Variants in ALKBH1 observed in about 807,000 individuals in gnomAD.
ALKBH1 encodes alkB homolog 1, histone H2A dioxygenase.
ALKBH1 carries 31 observed loss-of-function variants against 36.6 expected under a neutral mutation model. That is an observed-to-expected ratio of 0.85 (90% CI 0.64 to 1.14). ALKBH1 has a LOEUF of 1.14. Among genes scored for constraint, ALKBH1 ranks in the 50% most tolerant of loss-of-function variants. The probability of loss-of-function intolerance (pLI) is 0.00; values close to 1 mark genes in which losing one functional copy is unlikely to be tolerated. For missense variants in ALKBH1, 490 were observed against 497.3 expected, an observed-to-expected ratio of 0.99 and a Z score of 0.14; for synonymous variants, 183 against 186.6, an observed-to-expected ratio of 0.98 and a Z score of 0.16.
intron 2 of ALKBH1, among the ~76,000 whole-genome samples, chr14:77,699,927 C>T (rs1463335045): frequency 2.6e-5 from 4 of 151,866 alleles, no homozygotes; most frequent in South Asian, 2.1e-4. Context: ...TGGTGGCGGG[C>T]GCCTGTAGTC....
At chr14:77,686,626 T>C (rs1189707872) in intron 3 of ALKBH1, among the ~76,000 whole-genome samples, 1 of 152,160 alleles carries the variant, frequency 6.6e-6, no homozygotes, top group Admixed American at 6.6e-5. Flanking sequence ...CTCTTAGCAA[T>C]TGTTTTTTTC....
intron 3 of ALKBH1, 68 bp downstream of exon 3, chr14:77,694,670 A>T: frequency 7.7e-7 from 1 of 1,304,630 alleles, no homozygotes. Context: ...GTTATAGAAC[A>T]GTTCCTTCAA....
At chr14:77,678,087 CAAAAAAAAA>C (rs11440428) in intron 4 of ALKBH1, among the ~76,000 whole-genome samples, 1 of 55,082 alleles carries the variant, frequency 1.8e-5, no homozygotes, top group African/African-American at 7.5e-5. Context: ...ATATTATCAC[CAAAAAAAAA>C]AAAAAAAAAA....
At chr14:77,695,292 T>C (rs1286154615) in intron 2 of ALKBH1, among the ~76,000 whole-genome samples, 4 of 152,208 alleles carry the variant, frequency 2.6e-5, no homozygotes, top group East Asian at 1.9e-4. Flanking sequence ...AGCTAAAACA[T>C]AGATTTGAAA....
chr14:77,682,296 ACTC>A (rs1158395010), intron 3 of ALKBH1, among the ~76,000 whole-genome samples: 2 of 152,086 alleles, frequency 1.3e-5, no homozygotes, highest in Non-Finnish European at 2.9e-5. Context: ...AAATAAAAGA[ACTC>A]CTTGATGTTC....
At chr14:77,698,040 T>A (rs2139861983) in intron 2 of ALKBH1, among the ~76,000 whole-genome samples, 1 of 151,884 alleles carries the variant, frequency 6.6e-6, no homozygotes, top group South Asian at 2.1e-4. Flanking sequence ...AGAGATAAAG[T>A]GATAAAAAAC....
intron 3 of ALKBH1, chr14:77,691,995 G>A (rs1188020515): frequency 6.6e-6 from 1 of 151,862 alleles, no homozygotes; most frequent in Non-Finnish European, 1.5e-5. Context: ...ATAGACCAAG[G>A]TTTAAAAAAA....
intron 2 of ALKBH1, among the ~76,000 whole-genome samples, chr14:77,701,694 G>C (rs2080360256): frequency 6.6e-6 from 1 of 152,118 alleles, no homozygotes; most frequent in East Asian, 1.9e-4. Flanking sequence ...AGAGTAAGAA[G>C]AGACTGTTCT....
At chr14:77,684,676 T>A (rs72685260) in intron 3 of ALKBH1, among the ~76,000 whole-genome samples, 25,393 of 152,164 alleles carry the variant, frequency 0.17, 2,443 homozygotes, top group Non-Finnish European at 0.22. Flanking sequence ...GCCTCTTGAG[T>A]AGCTAGAACT....
At chr14:77,688,737 A>AT (rs1190864630) in intron 3 of ALKBH1, among the ~76,000 whole-genome samples, 1 of 151,152 alleles carries the variant, frequency 6.6e-6, no homozygotes, top group Non-Finnish European at 1.5e-5. Flanking sequence ...ATGCCCAGCT[A>AT]TTTTTTGTAT....
intron 2 of ALKBH1, among the ~76,000 whole-genome samples, chr14:77,699,163 A>G (rs2080345112): frequency 6.6e-6 from 1 of 152,240 alleles, no homozygotes. Flanking sequence ...CTGTATTCCA[A>G]TAAAATGTAT....
At chr14:77,678,132 C>T (rs1282875854) in intron 4 of ALKBH1, among the ~76,000 whole-genome samples, 2 of 133,052 alleles carry the variant, frequency 1.5e-5, no homozygotes, top group East Asian at 4.8e-4. Flanking sequence ...TGTGATAATG[C>T]ATTTAACTGC....
intron 2 of ALKBH1, among the ~76,000 whole-genome samples, chr14:77,701,572 T>C (rs746630947): frequency 3.3e-5 from 5 of 152,120 alleles, no homozygotes; most frequent in Non-Finnish European, 7.4e-5. Flanking sequence ...CCTATTATCC[T>C]CTTGTTCAAG....
At chr14:77,682,756 G>T (rs998768343) in intron 3 of ALKBH1, among the ~76,000 whole-genome samples, 1 of 152,124 alleles carries the variant, frequency 6.6e-6, no homozygotes, top group Non-Finnish European at 1.5e-5. Flanking sequence ...GGAGGGCAAT[G>T]GCACGATCTT....
At chr14:77,698,325 G>T (rs1051066886) in intron 2 of ALKBH1, among the ~76,000 whole-genome samples, 4 of 152,182 alleles carry the variant, frequency 2.6e-5, no homozygotes, top group African/African-American at 9.7e-5. Flanking sequence ...AGAGGGTAGA[G>T]AGACTGGCTT....
At chr14:77,684,748 A>C (rs938760573) in intron 3 of ALKBH1, among the ~76,000 whole-genome samples, 1 of 152,072 alleles carries the variant, frequency 6.6e-6, no homozygotes. Flanking sequence ...GGGTCTCTCT[A>C]TGTTGCCCAG....
intron 3 of ALKBH1, among the ~76,000 whole-genome samples, chr14:77,684,643 C>T (rs1028044072): frequency 6.6e-6 from 1 of 152,150 alleles, no homozygotes; most frequent in Non-Finnish European, 1.5e-5. Flanking sequence ...TTGCTGCAGG[C>T]TCAAGTAATC....
At chr14:77,675,539 T>G in intron 5 of ALKBH1, 117 bp downstream of exon 5, 1 of 815,570 alleles carries the variant, frequency 1.2e-6, no homozygotes, top group Non-Finnish European at 1.8e-6. Flanking sequence ...AAGTGGAAGA[T>G]TATAGAGTCC....
chr14:77,683,243 G>A, intron 3 of ALKBH1: 1 of 767,936 alleles, frequency 1.3e-6, no homozygotes, highest in Non-Finnish European at 2.4e-6. Context: ...AGCAGCTCAG[G>A]CTCCTTCCCA....
Sources: allele counts gnomAD v4.1 joint callset (sites outside exome capture counted in the v4.1 genomes callset), GRCh38; gene constraint gnomAD v4.1.1; transcripts MANE v1.5; gene names NCBI Gene and HGNC (gene_info 2026-07-23, HGNC 2026-07-21).